A2ML1: variants seen among roughly 807,000 people sequenced by gnomAD.
A2ML1 encodes the protein alpha-2-macroglobulin-like protein 1.
Under a neutral mutation model 181.9 loss-of-function variants are expected in A2ML1, and 161 were observed. The ratio of observed to expected loss-of-function variants is 0.89; its 90% CI spans 0.78 to 1.01. A2ML1 has a LOEUF of 1.01. Among genes scored for constraint, A2ML1 ranks in the 50% least tolerant of loss-of-function variants. The probability of loss-of-function intolerance (pLI) is 0.00; values close to 1 mark genes in which losing one functional copy is unlikely to be tolerated. For synonymous variants in A2ML1, 663 were observed against 666.8 expected (o/e 0.99, Z 0.09); for missense variants, 1,670 against 1,768.1 (o/e 0.94, Z 1.00).
At chr12:8,838,219 A>G (rs2136780375) in intron 8 of A2ML1, 117 bp from the exon 9 acceptor site, 1 of 653,148 alleles carries the variant, frequency 1.5e-6, no homozygotes, top group Non-Finnish European at 2.6e-6. Context: ...GTTTTTCTAT[A>G]TTAGAAACTG....
Position 8,855,689 on chromosome 12 carries a change from G to A in A2ML1, c.2848+97G>A, listed in dbSNP as rs1592141106. On this transcript the variant is annotated intron_variant, in intron 23 of 35. Transcript: ENST00000299698. ...GGACATACGGACCTATCCGGAGAGT[G>A]TAACTAATAACAAGTGATGAAGGAA... 25 of 1,127,086 alleles carry A rather than the reference G, an allele frequency of 2.2e-5. No individual in the cohort carries two copies. In the East Asian group the frequency reaches 5.9e-4, roughly 27 times the overall value. 69.8% of individuals were successfully genotyped at this position (1,127,086 alleles called of 1,614,324 possible).
At chr12:8,866,198 G>A (rs1307600815) in intron 29 of A2ML1, among the ~76,000 whole-genome samples, 4 of 150,816 alleles carry the variant, frequency 2.7e-5, no homozygotes, top group Non-Finnish European at 4.4e-5. Flanking sequence ...CCAGCTACTC[G>A]GGAGGCTGAG....
intron 12 of A2ML1, 141 bp downstream of exon 12, chr12:8,843,502 G>T: frequency 1.5e-6 from 1 of 688,122 alleles, no homozygotes; most frequent in South Asian, 2.9e-5. Flanking sequence ...CACTAAAAAA[G>T]TAAAAGAACA....
Position 8,851,815 on chromosome 12 carries a change from G to T in A2ML1, c.2266G>T (p.Val756Phe). The T allele has an allele frequency of 1.2e-6, 2 of 1,614,162 alleles. No homozygotes were observed. Among genetic ancestry groups the T allele is most frequent in the Non-Finnish European group, 1.7e-6 (2 of 1,180,030 alleles). Residue 756 changes from valine (V) to phenylalanine (F), a missense_variant, in exon 19 of 36, where the codon GTT becomes TTT. Coordinates refer to ENST00000299698, the MANE Select transcript of A2ML1 (RefSeq NM_144670.6). ...NSGKEAVHVT[V>F]PDAITEWKAM... ...GGGGAAGGAGGCGGTCCACGTCACAGTTCCTGACGCCATCACCGAGTGGAA... is the reference window on the plus strand; with the variant it reads ...GGGGAAGGAGGCGGTCCACGTCACATTTCCTGACGCCATCACCGAGTGGAA...
At chr12:8,856,002 A>C (rs1293508474) in intron 23 of A2ML1, among the ~76,000 whole-genome samples, 1 of 152,206 alleles carries the variant, frequency 6.6e-6, no homozygotes, top group Non-Finnish European at 1.5e-5. Context: ...AGTGGGTTGA[A>C]AAGCATGAAC....
chr12:8,884,235 T>TG (rs1358128763), intron 7 of A2ML1, among the ~76,000 whole-genome samples: 17 of 144,644 alleles, frequency 1.2e-4, no homozygotes, highest in African/African-American at 4.4e-4. Context: ...TTTTTTGTTT[T>TG]TTTTTGTTTT....
At chr12:8,863,144 T>C (rs12818553) in intron 28 of A2ML1, among the ~76,000 whole-genome samples, 34,209 of 151,610 alleles carry the variant, frequency 0.23, 4,243 homozygotes, top group Middle Eastern at 0.34. Flanking sequence ...TCTTGTTTTG[T>C]TGCCCAGGTT....
intron 23 of A2ML1, among the ~76,000 whole-genome samples, chr12:8,856,686 A>T (rs1038473201): frequency 2.0e-5 from 3 of 152,134 alleles, no homozygotes; most frequent in African/African-American, 7.2e-5. Flanking sequence ...ATGTCTTCTT[A>T]AAAGCCCTGA....
chr12:8,851,659 GC>G (rs1943891923), intron 18 of A2ML1, 124 bp from the exon 19 acceptor site: 2 of 852,522 alleles, frequency 2.3e-6, no homozygotes, highest in Admixed American at 4.3e-5. Context: ...GCTCACCTCA[GC>G]CTCTCAAAGA....
chr12:8,857,711 T>A, intron 25 of A2ML1, 123 bp downstream of exon 25: 1 of 1,177,874 alleles, frequency 8.5e-7, no homozygotes, highest in Non-Finnish European at 1.2e-6. Flanking sequence ...TCTACCTCTT[T>A]AATACTGTTT....
chr12:8,836,788 C>T (rs1943294781), intron 7 of A2ML1, among the ~76,000 whole-genome samples: 1 of 151,856 alleles, frequency 6.6e-6, no homozygotes, highest in Non-Finnish European at 1.5e-5. Flanking sequence ...CAGCCAAGAA[C>T]ATATTTTATA....
Position 8,868,238 on chromosome 12 carries a change from G to C in A2ML1, c.3942G>C (p.Leu1314Phe). 6.2e-7 allele frequency: 1 copy of C among 1,613,988 alleles called. No individual in the cohort carries two copies. Among genetic ancestry groups the C allele is most frequent in the Non-Finnish European group, 8.5e-7 (1 of 1,180,022 alleles). ...GQGCVYVQTV[L>F]RYNILPPTNM... ...CTATTTCTTCCTACCAGACGGTGTT[G>C]AGATACAATATTCTCCCTCCCACAA... The change falls in exon 31 of 36, where the codon TTG (leucine) becomes TTC (phenylalanine). Residue 1314 changes from leucine to phenylalanine, a missense_variant. Physicochemically the swap from Leu to Phe is conservative, Grantham distance 22 (BLOSUM62 0). Transcript: ENST00000299698.
In A2ML1 at chr12:8,858,083, T is replaced by C. The variant is rs767438012; in HGVS notation, c.3245T>C (p.Leu1082Pro). 36 of 1,613,950 alleles carry C rather than the reference T, an allele frequency of 2.2e-5. No homozygotes were observed. The highest frequency in any genetic ancestry group is 3.1e-5 in the Non-Finnish European group (36 of 1,180,016). ...PSGCYANVGN[L>P]LHTAMKGGVD... is the part of the protein sequence containing the mutation. Reference sequence around the variant, plus strand: ...GGCTGCTATGCCAACGTGGGAAATCTCCTTCACACAGCTATGAAGGTGCGG... The same window carrying C: ...GGCTGCTATGCCAACGTGGGAAATCCCCTTCACACAGCTATGAAGGTGCGG... Residue 1082 changes from leucine to proline, a missense_variant, in exon 26 of 36, where the codon CTC becomes CCC. Transcript: ENST00000299698.
chr12:8,849,126 C>T (rs949564723), intron 16 of A2ML1, among the ~76,000 whole-genome samples: 1 of 152,156 alleles, frequency 6.6e-6, no homozygotes, highest in African/African-American at 2.4e-5. Context: ...TGTCCTCAAA[C>T]ACTGATTTCC....
Position 8,848,893 on chromosome 12 carries a change from G to A in A2ML1, c.2007G>A (p.Thr669=), listed in dbSNP as rs201446135. The A allele has an allele frequency of 2.4e-5, 39 of 1,612,454 alleles. No individual in the cohort carries two copies. Among genetic ancestry groups the A allele is most frequent in the East Asian group, 4.5e-5 (2 of 44,856 alleles). ...IIWRPSFSEG[T]DLFSFFRDVG... Reference sequence around the variant, plus strand: ...GGAGGCCCTCGTTCTCTGAAGGCACGGACCTTTTCAGCTTTTTCCGGGTAG... The same window carrying A: ...GGAGGCCCTCGTTCTCTGAAGGCACAGACCTTTTCAGCTTTTTCCGGGTAG... Residue 669 remains threonine (T), a synonymous_variant, in exon 16 of 36, where the codon ACG becomes ACA. Coordinates refer to ENST00000299698, the MANE Select transcript of A2ML1 (RefSeq NM_144670.6).
At chr12:8,846,251 T>A (rs1389832672) in intron 14 of A2ML1, 29 bp downstream of exon 14, 2 of 1,612,514 alleles carry the variant, frequency 1.2e-6, no homozygotes, top group South Asian at 2.2e-5. Flanking sequence ...AGGGTGAAGA[T>A]AAAAGTTGGG....
In A2ML1 at chr12:8,834,920, G is replaced by C. The variant is rs772258240; in HGVS notation, c.483+238G>C. 2.0e-5 allele frequency: 11 copies of C among 544,292 alleles called. No homozygotes were observed. The African/African-American group carries it at 2.1e-4, about 10-fold the overall frequency. The allele number at this position is 544,292 out of a possible 1,614,324, so 33.7% of individuals were successfully genotyped here. A position where few individuals can be genotyped will look rare whatever the true frequency, so the allele number is the denominator to read the frequency against. On this transcript the variant is annotated intron_variant, in intron 5 of 35. Coordinates refer to ENST00000299698, the MANE Select transcript of A2ML1 (RefSeq NM_144670.6). ...CACCAGCCTCTGTAATGACTACACC[G>C]CTCTCTCATTCCCCTAACTTCTCTG... is the stretch of plus-strand genomic sequence containing the variant.
At chr12:8,851,504 C>G (rs2136876819) in intron 18 of A2ML1, among the ~76,000 whole-genome samples, 1 of 152,044 alleles carries the variant, frequency 6.6e-6, no homozygotes, top group South Asian at 2.1e-4. Context: ...CTCCTGGGCT[C>G]AAGCAATCCT....
chr12:8,864,157 G>T, intron 29 of A2ML1, 149 bp downstream of exon 29: 1 of 688,044 alleles, frequency 1.5e-6, no homozygotes, highest in Non-Finnish European at 2.4e-6. Flanking sequence ...TTCATAAAAT[G>T]GGTTATAAGA....
Sources: allele counts gnomAD v4.1 joint callset (sites outside exome capture counted in the v4.1 genomes callset), GRCh38; gene constraint gnomAD v4.1.1; transcripts MANE v1.5; gene names NCBI Gene and HGNC (gene_info 2026-07-23, HGNC 2026-07-21).